The following ERC2 variants were observed in gnomAD, a reference collection of about 807,000 sequenced individuals.
ERC2 encodes the protein ERC protein 2.
ERC2 carries 42 observed loss-of-function variants against 114.8 expected under a neutral mutation model. The observed-to-expected ratio is 0.37, with a 90% CI of 0.29 to 0.47. ERC2 has a LOEUF of 0.47. Ranked by LOEUF, ERC2 falls within the 20% of genes least tolerant of loss-of-function variation. The pLI, the probability that ERC2 is intolerant of heterozygous loss-of-function variation, is 0.99. For missense variants in ERC2, 939 were observed against 1,150.7 expected (o/e 0.82, Z 2.66); for synonymous variants, 454 against 425.5 (o/e 1.07, Z -0.82).
chr3:55,766,039 G>A (rs906559433), intron 14 of ERC2, among the ~76,000 whole-genome samples: 7 of 152,200 alleles, frequency 4.6e-5, no homozygotes, highest in African/African-American at 1.7e-4. Context: ...AACCCCTGTA[G>A]GGTATGCCTG....
intron 17 of ERC2, among the ~76,000 whole-genome samples, chr3:55,601,144 G>A (rs1281742273): frequency 1.3e-5 from 2 of 152,304 alleles, no homozygotes; most frequent in East Asian, 3.9e-4. Flanking sequence ...GGAGATTGCT[G>A]GGGCAATCTC....
chr3:56,202,955 T>C (rs2048490101), intron 3 of ERC2, among the ~76,000 whole-genome samples: 1 of 152,226 alleles, frequency 6.6e-6, no homozygotes, highest in Non-Finnish European at 1.5e-5. Context: ...AACAAGCCTT[T>C]GCTATTAACT....
chr3:55,607,171 C>A (rs1203782993), intron 17 of ERC2, among the ~76,000 whole-genome samples: 1 of 152,098 alleles, frequency 6.6e-6, no homozygotes, highest in Non-Finnish European at 1.5e-5. Context: ...ACAGACCCTG[C>A]CCCCATGGAG....
chr3:55,887,226 C>A (rs935730123), intron 14 of ERC2, among the ~76,000 whole-genome samples: 2 of 152,044 alleles, frequency 1.3e-5, no homozygotes, highest in Admixed American at 6.5e-5. Context: ...ATTATATTAT[C>A]TTTTATTAGA....
intron 14 of ERC2, among the ~76,000 whole-genome samples, chr3:55,871,980 G>T (rs2062604519): frequency 6.6e-6 from 1 of 152,136 alleles, no homozygotes; most frequent in Admixed American, 6.5e-5. Context: ...ATTTACAGAT[G>T]AAATGACATA....
intron 13 of ERC2, among the ~76,000 whole-genome samples, chr3:55,943,782 A>G (rs1426266004): frequency 6.6e-6 from 1 of 152,200 alleles, no homozygotes; most frequent in African/African-American, 2.4e-5. Flanking sequence ...TAATGAACAT[A>G]CAAAAATGGG....
At chr3:56,089,657 G>A (rs916066908) in intron 6 of ERC2, among the ~76,000 whole-genome samples, 8 of 151,808 alleles carry the variant, frequency 5.3e-5, no homozygotes, top group African/African-American at 1.9e-4. Flanking sequence ...GCCATATGTG[G>A]CTCATGGCTA....
intron 3 of ERC2, among the ~76,000 whole-genome samples, chr3:56,234,493 A>C (rs1206454968): frequency 6.6e-6 from 1 of 152,246 alleles, no homozygotes; most frequent in Non-Finnish European, 1.5e-5. Context: ...CTAAAGGCAA[A>C]GGTCTTGGCC....
chr3:55,607,628 T>TG (rs2058699036), intron 17 of ERC2, among the ~76,000 whole-genome samples: 2 of 148,294 alleles, frequency 1.3e-5, no homozygotes, highest in African/African-American at 5.0e-5. Flanking sequence ...TTTTTTTTTT[T>TG]TTCTATAAGA....
rs937782609 is a variant in ERC2 at position 55,767,605 on chromosome 3, C to G, written c.2565-32687G>C. Among the ~76,000 whole-genome samples, 4 of 152,162 alleles carry G rather than the reference C, an allele frequency of 2.6e-5. No homozygotes were observed. In the East Asian group the frequency reaches 7.7e-4, roughly 29 times the overall value. On this transcript the variant is annotated intron_variant, in intron 14 of 17. Transcript: ENST00000288221. Reference sequence around the variant, plus strand: ...CCTCTAAGAAGCCCGCCTAATCAGACATGCCCAGGTAGATCAAGACTCAGC... The same window carrying G: ...CCTCTAAGAAGCCCGCCTAATCAGAGATGCCCAGGTAGATCAAGACTCAGC...
chr3:56,107,103 A>G (rs777004913), intron 6 of ERC2, among the ~76,000 whole-genome samples: 15 of 152,260 alleles, frequency 9.9e-5, no homozygotes, highest in Non-Finnish European at 1.6e-4. Flanking sequence ...TGGCCCTGGC[A>G]TCTTCCAATA....
At chr3:55,930,203 C>T (rs762323301) in intron 13 of ERC2, among the ~76,000 whole-genome samples, 2 of 152,126 alleles carry the variant, frequency 1.3e-5, no homozygotes, top group Non-Finnish European at 2.9e-5. Context: ...GGCACCACTG[C>T]ACTCCAGCCT....
At chr3:56,328,361 T>G (rs1475442398) in intron 2 of ERC2, among the ~76,000 whole-genome samples, 1 of 152,168 alleles carries the variant, frequency 6.6e-6, no homozygotes, top group Non-Finnish European at 1.5e-5. Context: ...ATTTTCTCAC[T>G]AGATGCAAAA....
intron 17 of ERC2, among the ~76,000 whole-genome samples, chr3:55,521,333 C>T (rs1483611220): frequency 6.6e-6 from 1 of 152,220 alleles, no homozygotes; most frequent in Non-Finnish European, 1.5e-5. Context: ...GCAATTTAAC[C>T]TCTTCACCGC....
At chr3:55,672,707 C>T (rs1037121885) in intron 17 of ERC2, among the ~76,000 whole-genome samples, 1 of 152,142 alleles carries the variant, frequency 6.6e-6, no homozygotes, top group Non-Finnish European at 1.5e-5. Context: ...GTGAACTAGG[C>T]AGAAAGCCAC....
At chr3:55,798,750 G>C (rs1332350118) in intron 14 of ERC2, among the ~76,000 whole-genome samples, 2 of 152,104 alleles carry the variant, frequency 1.3e-5, no homozygotes, top group Non-Finnish European at 2.9e-5. Context: ...CAAATTGGGT[G>C]AATCAAGGAT....
At chr3:56,214,366 T>TG (rs1203667467) in intron 3 of ERC2, among the ~76,000 whole-genome samples, 3 of 149,438 alleles carry the variant, frequency 2.0e-5, no homozygotes, top group South Asian at 2.1e-4. Context: ...CAGTAGCTGA[T>TG]TCAATAAACT....
chr3:55,743,438 A>G (rs1400269039), intron 14 of ERC2, among the ~76,000 whole-genome samples: 1 of 152,162 alleles, frequency 6.6e-6, no homozygotes, highest in African/African-American at 2.4e-5. Context: ...GAGGAGTGCC[A>G]GGAAGAGCTA....
intron 17 of ERC2, among the ~76,000 whole-genome samples, chr3:55,645,702 TAAAACGGGAAG>T (rs2060365774): frequency 1.3e-5 from 2 of 152,282 alleles, no homozygotes; most frequent in South Asian, 4.1e-4. Context: ...GGCCCACCGT[TAAAACGGGAAG>T]GATGTCTGAG....
Sources: allele counts gnomAD v4.1 joint callset (sites outside exome capture counted in the v4.1 genomes callset), GRCh38; gene constraint gnomAD v4.1.1; transcripts MANE v1.5; gene names NCBI Gene and HGNC (gene_info 2026-07-23, HGNC 2026-07-21).